The following RIMS2 variants were observed in gnomAD, a reference collection of about 807,000 sequenced individuals.
RIMS2 encodes regulating synaptic membrane exocytosis protein 2.
RIMS2 carries 59 observed loss-of-function variants against 174.4 expected under a neutral mutation model. The ratio of observed to expected loss-of-function variants is 0.34; its 90% confidence interval spans 0.27 to 0.42. The LOEUF (loss-of-function observed/expected upper bound fraction) is 0.42, where lower values mean the gene tolerates loss of function less well. Ranked by LOEUF, RIMS2 falls within the 10% of genes least tolerant of loss-of-function variation. The pLI, the probability that RIMS2 is intolerant of heterozygous loss-of-function variation, is 1.00. For synonymous variants in RIMS2, 606 were observed against 572.5 expected (o/e 1.06, Z -0.84); for missense variants, 1,620 against 1,666.3 (o/e 0.97, Z 0.48).
chr8:103,659,405 A>G (rs750682270), intron 1 of RIMS2, among the ~76,000 whole-genome samples: 21 of 152,054 alleles, frequency 1.4e-4, no homozygotes, highest in Non-Finnish European at 2.9e-4. Context: ...GCCTAATTTC[A>G]CCTTCTGGGT....
intron 1 of RIMS2, among the ~76,000 whole-genome samples, chr8:103,555,800 C>CAAA (rs35932194): frequency 8.9e-5 from 12 of 135,488 alleles, no homozygotes; most frequent in East Asian, 4.2e-4. Context: ...CTCTCTCTCT[C>CAAA]AAAAAAAAAA....
intron 1 of RIMS2, among the ~76,000 whole-genome samples, chr8:103,624,265 T>A (rs2095719330): frequency 6.6e-6 from 1 of 152,168 alleles, no homozygotes; most frequent in Non-Finnish European, 1.5e-5. Flanking sequence ...ATGCAATCAG[T>A]TGAGGGCTTG....
chr8:104,095,005 T>G (rs987106384), intron 19 of RIMS2, among the ~76,000 whole-genome samples: 17 of 152,098 alleles, frequency 1.1e-4, no homozygotes, highest in African/African-American at 3.9e-4. Context: ...TGTGTCTCTT[T>G]TAACATGAAT....
At chr8:103,650,533 T>A (rs2096432761) in intron 1 of RIMS2, among the ~76,000 whole-genome samples, 1 of 152,228 alleles carries the variant, frequency 6.6e-6, no homozygotes, top group Admixed American at 6.5e-5. Context: ...TCTACTGAAC[T>A]GCAGAGATAG....
chr8:103,904,969 C>G (rs2074058189), intron 4 of RIMS2, among the ~76,000 whole-genome samples: 1 of 151,820 alleles, frequency 6.6e-6, no homozygotes, highest in African/African-American at 2.4e-5. Context: ...AACTTATCAC[C>G]TTGTATTGGT....
chr8:103,711,653 C>T (rs1029052836), intron 2 of RIMS2, among the ~76,000 whole-genome samples: 9 of 152,114 alleles, frequency 5.9e-5, no homozygotes, highest in East Asian at 1.9e-4. Context: ...ACAGCACTTT[C>T]GGAGGCCAAG....
At position 104,063,072 on chromosome 8, in the gene RIMS2, AT is replaced by A. The variant is rs762234898; in HGVS notation, c.3334+48461del. ...GATGTATTAAAACTATACTTTTTAT[AT>A]TTTGTTATCAATTATTTGGATAATT... is the stretch of plus-strand genomic sequence containing the variant. On this transcript the variant is annotated intron_variant, in intron 19 of 23. Transcript: ENST00000504942. Among the ~76,000 whole-genome samples, 33 of 152,096 alleles carry A rather than the reference AT, an allele frequency of 2.2e-4. 1 individual carries two copies. In the East Asian group the frequency reaches 4.1e-3, roughly 19 times the overall value.
chr8:104,109,796 A>G (rs2098143921), intron 19 of RIMS2, among the ~76,000 whole-genome samples: 1 of 152,224 alleles, frequency 6.6e-6, no homozygotes, highest in South Asian at 2.1e-4. Flanking sequence ...ATAATTTCAC[A>G]AAGTAATAGG....
intron 3 of RIMS2, among the ~76,000 whole-genome samples, chr8:103,830,242 A>G (rs1047224960): frequency 6.6e-5 from 10 of 151,898 alleles, no homozygotes; most frequent in African/African-American, 2.4e-4. Context: ...TCCTGTCTTA[A>G]TTACTCCTTT....
At chr8:104,093,493 A>G in intron 19 of RIMS2, 2 of 1,596,998 alleles carry the variant, frequency 1.3e-6, no homozygotes, top group Non-Finnish European at 1.7e-6. Flanking sequence ...TGGGATCCTC[A>G]TAGAGGGGCA....
chr8:103,869,626 A>C (rs1275703039), intron 3 of RIMS2, among the ~76,000 whole-genome samples: 2 of 152,096 alleles, frequency 1.3e-5, no homozygotes, highest in Non-Finnish European at 2.9e-5. Context: ...CCCGATGAGG[A>C]ACACGCTTCT....
intron 2 of RIMS2, among the ~76,000 whole-genome samples, chr8:103,724,496 A>G (rs749547409): frequency 5.9e-5 from 9 of 152,106 alleles, no homozygotes; most frequent in Non-Finnish European, 1.0e-4. Flanking sequence ...GCCTTTAGTC[A>G]AATTTATCAG....
rs541462258 is a variant in RIMS2, at chr8:103,850,684, A to G, written c.699-34614A>G. ...GACTTTGTACTTTTACCTTGTATTT[A>G]TATTTCTGGCTACAACTCTTAAACG... On this transcript the variant is annotated intron_variant, in intron 3 of 23. Coordinates refer to ENST00000504942, the Ensembl canonical transcript of RIMS2. Among the ~76,000 whole-genome samples, 3 of 152,106 alleles carry G rather than the reference A, an allele frequency of 2.0e-5. No homozygotes were observed. In the East Asian group the frequency reaches 5.8e-4, roughly 29 times the overall value.
chr8:103,908,869 C>T (rs960006133), intron 4 of RIMS2, among the ~76,000 whole-genome samples: 5 of 152,134 alleles, frequency 3.3e-5, no homozygotes, highest in African/African-American at 1.2e-4. Flanking sequence ...TAAAATCCTT[C>T]AGTGTTTGAA....
At chr8:103,560,579 C>T (rs2091428218) in intron 1 of RIMS2, among the ~76,000 whole-genome samples, 1 of 152,072 alleles carries the variant, frequency 6.6e-6, no homozygotes, top group Non-Finnish European at 1.5e-5. Context: ...TACTCATTGA[C>T]TCAAGGAAAG....
rs146311455 is a variant in RIMS2 at position 104,029,428 on chromosome 8, G to A, written c.3334+14813G>A. On this transcript the variant is annotated intron_variant, in intron 19 of 23. Coordinates refer to ENST00000504942, the Ensembl canonical transcript of RIMS2. ...AGTTATAGGCCTAGTTAATGGCAGAGATATTCCGACCAGCCAGCTTTCCTG... is the reference window on the plus strand; with the variant it reads ...AGTTATAGGCCTAGTTAATGGCAGAAATATTCCGACCAGCCAGCTTTCCTG... Among the ~76,000 whole-genome samples, 27 of 152,270 alleles carry A rather than the reference G, an allele frequency of 1.8e-4. 1 individual carries two copies. The highest frequency in any genetic ancestry group is 6.3e-4 in the African/African-American group (26 of 41,548).
At chr8:104,187,087 G>T (rs1420705084) in intron 19 of RIMS2, among the ~76,000 whole-genome samples, 3 of 151,764 alleles carry the variant, frequency 2.0e-5, no homozygotes, top group African/African-American at 7.2e-5. Flanking sequence ...CAAGTTATAT[G>T]ATTTTAATAT....
Position 103,896,727 on chromosome 8 carries a change from A to G in RIMS2, c.1624+10504A>G, listed in dbSNP as rs924164. ...TCATCTAGAGGGTCCAAAATGACTT[A>G]TTTTGCACATCTGGCACCTTAGCAG... On this transcript the variant is annotated intron_variant, in intron 4 of 23. Coordinates refer to ENST00000504942, the Ensembl canonical transcript of RIMS2. 2.0e-5 allele frequency among the ~76,000 whole-genome samples: 3 copies of G among 151,360 alleles called. No homozygotes were observed. In the East Asian group the frequency reaches 5.8e-4, roughly 29 times the overall value.
At chr8:103,836,919 A>G (rs934836818) in intron 3 of RIMS2, among the ~76,000 whole-genome samples, 1 of 152,248 alleles carries the variant, frequency 6.6e-6, no homozygotes, top group African/African-American at 2.4e-5. Context: ...GAAAAGTGGT[A>G]CCACAGTTTG....
Sources: allele counts gnomAD v4.1 joint callset (sites outside exome capture counted in the v4.1 genomes callset), GRCh38; gene constraint gnomAD v4.1.1; transcripts MANE v1.5; gene names NCBI Gene and HGNC (gene_info 2026-07-23, HGNC 2026-07-21).